ZNF326: variants seen among roughly 807,000 people sequenced by gnomAD.
The protein encoded by ZNF326 is zinc finger protein 326, also known as DBIRD complex subunit ZNF326.
Under a neutral mutation model 63.1 loss-of-function variants are expected in ZNF326, and 30 were observed. That is an observed-to-expected ratio of 0.48 (90% CI 0.36 to 0.64). The LOEUF (loss-of-function observed/expected upper bound fraction) is 0.64, where lower values mean the gene tolerates loss of function less well. Among genes scored for constraint, ZNF326 ranks in the 30% least tolerant of loss-of-function variants. The probability of loss-of-function intolerance (pLI) is 0.00; values close to 1 mark genes in which losing one functional copy is unlikely to be tolerated. For missense variants in ZNF326, 609 were observed against 720.3 expected (o/e 0.85, Z 1.77); for synonymous variants, 194 against 228.2 (o/e 0.85, Z 1.35).
In ZNF326 at chr1:90,032,206, CTAA is replaced by C. The variant is rs1408612895; in HGVS notation, c.*4507_*4509del. On this transcript the variant is annotated 3_prime_UTR_variant, in exon 12 of 12. Coordinates refer to ENST00000340281, the MANE Select transcript of ZNF326 (RefSeq NM_182976.4). Reference sequence around the variant, plus strand: ...AATTCCCAGAGGTCTGTTGTGAATTCTAATGCTTTCAGAAAATATTACGGAGAA... The same window carrying C: ...AATTCCCAGAGGTCTGTTGTGAATTCTGCTTTCAGAAAATATTACGGAGAA... The C allele has an allele frequency of 2.0e-5, 3 of 152,290 alleles. No individual in the cohort carries two copies. In the South Asian group the frequency reaches 6.2e-4, roughly 32 times the overall value. The allele number at this position is 152,290 out of a possible 1,614,324, so 9.4% of individuals were successfully genotyped here. A position where few individuals can be genotyped will look rare whatever the true frequency, so the allele number is the denominator to read the frequency against.
chr1:90,003,905 T>G (rs1358019834), intron 2 of ZNF326, among the ~76,000 whole-genome samples: 2 of 152,112 alleles, frequency 1.3e-5, no homozygotes, highest in Non-Finnish European at 2.9e-5. Flanking sequence ...CTAGAGATAT[T>G]ATATGATTAT....
At chr1:89,997,734 A>G (rs1032039971) in intron 1 of ZNF326, among the ~76,000 whole-genome samples, 2 of 152,240 alleles carry the variant, frequency 1.3e-5, no homozygotes, top group African/African-American at 2.4e-5. Context: ...CAAAAATTTC[A>G]TGTTACGTAC....
In ZNF326 at chr1:90,033,374, A is replaced by G. The variant is rs1403348834; in HGVS notation, c.*5673A>G. ...TACACAGCAAACTTAACAAGCAGAA[A>G]GAATTCCTGGGGAAACAATTCAGGG... On this transcript the variant is annotated 3_prime_UTR_variant, in exon 12 of 12. Coordinates refer to ENST00000340281, the MANE Select transcript of ZNF326 (RefSeq NM_182976.4). 6.6e-6 allele frequency: 1 copy of G among 152,196 alleles called. No individual in the cohort carries two copies. Among genetic ancestry groups the G allele is most frequent in the Non-Finnish European group, 1.5e-5 (1 of 68,028 alleles). The allele number at this position is 152,196 out of a possible 1,614,324, so 9.4% of individuals were successfully genotyped here.
chr1:90,019,077 A>G (rs1649635966), intron 9 of ZNF326, among the ~76,000 whole-genome samples: 1 of 152,134 alleles, frequency 6.6e-6, no homozygotes, highest in Admixed American at 6.6e-5. Flanking sequence ...CCAAAATTCA[A>G]GTTATGAAAT....
At chr1:90,000,702 C>T (rs941184886) in intron 2 of ZNF326, among the ~76,000 whole-genome samples, 7 of 152,158 alleles carry the variant, frequency 4.6e-5, no homozygotes, top group African/African-American at 7.2e-5. Context: ...AAGACCTTAA[C>T]GCTGGCTTGA....
At chr1:90,017,686 G>T (rs533514004) in intron 8 of ZNF326, among the ~76,000 whole-genome samples, 10 of 152,156 alleles carry the variant, frequency 6.6e-5, no homozygotes, top group Admixed American at 6.5e-5. Context: ...CAGTTTCTGC[G>T]GGAGGTGTCC....
At chr1:90,005,735 A>G (rs1156507662) in intron 4 of ZNF326, 2 of 984,104 alleles carry the variant, frequency 2.0e-6, no homozygotes, top group African/African-American at 1.7e-5. Context: ...CTTTAATTCT[A>G]ATTTTAAAGG....
At chr1:90,008,329 C>T (rs972919883) in intron 5 of ZNF326, among the ~76,000 whole-genome samples, 1 of 152,200 alleles carries the variant, frequency 6.6e-6, no homozygotes, top group African/African-American at 2.4e-5. Flanking sequence ...TGCTAACTCA[C>T]GCTTACAATA....
chr1:90,005,124 C>T lies in ZNF326; in HGVS notation c.98-9C>T. The T allele has an allele frequency of 6.2e-7, 1 of 1,613,748 alleles. No individual in the cohort carries two copies. Among genetic ancestry groups the T allele is most frequent in the African/African-American group, 1.3e-5 (1 of 74,962 alleles). ...ATCATATAACTTTTTTCTTTTTAAA[C>T]TCTTATAGGGATGGATCGTGACTAT... On this transcript the variant is annotated splice_polypyrimidine_tract_variant and intron_variant, in intron 3 of 11. Coordinates refer to ENST00000340281, the MANE Select transcript of ZNF326 (RefSeq NM_182976.4).
At position 90,017,501 on chromosome 1, in the gene ZNF326, G is replaced by C. The variant is rs1240254333; in HGVS notation, c.1074+37G>C. The C allele has an allele frequency of 2.6e-6, 4 of 1,536,354 alleles. No homozygotes were observed. The African/African-American group carries it at 4.3e-5, about 16-fold the overall frequency. On this transcript the variant is annotated intron_variant, in intron 8 of 11. Transcript: ENST00000340281. ...TTTTTGAAGTGAGAAGCATTTTATT[G>C]ATATGAATTTCTTATGATTTCATTT...
chr1:90,009,662 T>C (rs1275383497), intron 5 of ZNF326, among the ~76,000 whole-genome samples: 2 of 152,154 alleles, frequency 1.3e-5, no homozygotes, highest in African/African-American at 4.8e-5. Context: ...ACTACAAATA[T>C]GGTCTTCTTT....
intron 11 of ZNF326, among the ~76,000 whole-genome samples, chr1:90,024,724 T>C (rs1649930922): frequency 6.6e-6 from 1 of 152,074 alleles, no homozygotes. Context: ...AAAGCCATTC[T>C]CCCACCTCGG....
intron 8 of ZNF326, among the ~76,000 whole-genome samples, chr1:90,018,291 CAA>C (rs990615746): frequency 2.8e-4 from 26 of 93,868 alleles, no homozygotes; most frequent in Admixed American, 3.6e-4. Context: ...GACTCCATCT[CAA>C]AAAAAAAAAA....
chr1:90,027,674 C>T lies in ZNF326; in HGVS notation c.1722C>T (p.Phe574=). Residue 574 remains phenylalanine, a synonymous_variant, in exon 12 of 12, where the codon TTC becomes TTT. Coordinates refer to ENST00000340281, the MANE Select transcript of ZNF326 (RefSeq NM_182976.4). ...CAGCAAAGGAAGAACCTGCTGACTT[C>T]CCTGTTGAGCAACCTGAAGAAAATT... is the stretch of plus-strand genomic sequence containing the variant. The part of the protein sequence containing the change: ...EETAKEEPAD[F]PVEQPEEN 10 of 1,613,906 alleles carry T rather than the reference C, an allele frequency of 6.2e-6. No homozygotes were observed. The highest frequency in any genetic ancestry group is 8.5e-6 in the Non-Finnish European group (10 of 1,179,964).
At chr1:90,001,928 G>A (rs952827533) in intron 2 of ZNF326, among the ~76,000 whole-genome samples, 1 of 152,066 alleles carries the variant, frequency 6.6e-6, no homozygotes, top group African/African-American at 2.4e-5. Context: ...ATGAGTTTTA[G>A]CATTTTTGAG....
At chr1:90,022,435 A>G in intron 11 of ZNF326, 90 bp downstream of exon 11, 4 of 874,006 alleles carry the variant, frequency 4.6e-6, no homozygotes, top group Admixed American at 4.6e-5. Context: ...ATACTTGAAT[A>G]TAGTATAACA....
intron 1 of ZNF326, among the ~76,000 whole-genome samples, chr1:89,996,138 C>T (rs539634531): frequency 6.6e-6 from 1 of 152,260 alleles, no homozygotes; most frequent in South Asian, 2.1e-4. Flanking sequence ...TTAATTTGGT[C>T]TTCACTTTTG....
At chr1:89,998,038 C>A in intron 1 of ZNF326, 72 bp from the exon 2 acceptor site, 1 of 1,381,498 alleles carries the variant, frequency 7.2e-7, no homozygotes. Context: ...TTGTTTTTTA[C>A]TGGATCGGCA....
rs1649031906 is a variant in ZNF326, at chr1:90,007,231, A to C, written c.210-114A>C. 1 of 1,094,088 alleles carries C rather than the reference A, an allele frequency of 9.1e-7. No individual in the cohort carries two copies. Among genetic ancestry groups the C allele is most frequent in the Admixed American group, 2.5e-5 (1 of 39,250 alleles). The allele number at this position is 1,094,088 out of a possible 1,614,324, so 67.8% of individuals were successfully genotyped here. A position where few individuals can be genotyped will look rare whatever the true frequency, so the allele number is the denominator to read the frequency against. ...GAACAAAAGTAGAACTGTGCAAACC[A>C]GTATGGTATAAATGAATTTTAGTTG... On this transcript the variant is annotated intron_variant, in intron 4 of 11. Coordinates refer to ENST00000340281, the MANE Select transcript of ZNF326 (RefSeq NM_182976.4). The surrounding 1 kb of genome is among the most constrained non-coding windows in gnomAD (Gnocchi z 4.9).
Sources: gnomAD v4.1 joint callset for allele counts (sites outside exome capture counted in the v4.1 genomes callset) on GRCh38, gnomAD v4.1.1 for gene constraint, Gnocchi (gnomAD v3.1) non-coding constraint, MANE v1.5 for transcripts, NCBI Gene and HGNC (gene_info 2026-07-23, HGNC 2026-07-21) for gene names.